Variants in KCNH1 observed in about 807,000 individuals in gnomAD.
The protein encoded by KCNH1 is potassium voltage-gated channel subfamily H member 1.
A neutral mutation model predicts 69.2 loss-of-function variants in KCNH1; 27 were observed. The observed-to-expected ratio is 0.39, with a 90% CI of 0.29 to 0.54. The LOEUF is 0.54. Ranked by LOEUF, KCNH1 falls within the 20% of genes least tolerant of loss-of-function variation. The pLI is 0.68. For synonymous variants in KCNH1, 456 were observed against 487.7 expected (o/e 0.93, Z 0.86); for missense variants, 798 against 1,261.6 (o/e 0.63, Z 5.57).
At chr1:210,782,650 T>A (rs987938898) in intron 9 of KCNH1, among the ~76,000 whole-genome samples, 3 of 151,918 alleles carry the variant, frequency 2.0e-5, no homozygotes, top group African/African-American at 7.3e-5. Context: ...TGCTTGGACC[T>A]AGGGGGCAGA....
chr1:210,810,844 C>T (rs1489285093), intron 7 of KCNH1, among the ~76,000 whole-genome samples: 1 of 152,058 alleles, frequency 6.6e-6, no homozygotes, highest in Non-Finnish European at 1.5e-5. Flanking sequence ...ATATGGTAAT[C>T]CTTAGATATC....
intron 10 of KCNH1, among the ~76,000 whole-genome samples, chr1:210,687,127 A>T (rs1172351197): frequency 6.6e-6 from 1 of 152,252 alleles, no homozygotes; most frequent in African/African-American, 2.4e-5. Flanking sequence ...GAGACTTGAG[A>T]TGTTCTAAGA....
At chr1:210,732,058 C>A (rs578153158) in intron 10 of KCNH1, among the ~76,000 whole-genome samples, 1 of 152,178 alleles carries the variant, frequency 6.6e-6, no homozygotes, top group Non-Finnish European at 1.5e-5. Context: ...AGGAATTCAT[C>A]CGATGGGAGG....
At chr1:210,795,376 G>C (rs1294451400) in intron 9 of KCNH1, among the ~76,000 whole-genome samples, 1 of 152,040 alleles carries the variant, frequency 6.6e-6, no homozygotes, top group African/African-American at 2.4e-5. Context: ...CAAATTCGTG[G>C]ACCCAAGAGA....
intron 7 of KCNH1, among the ~76,000 whole-genome samples, chr1:210,874,623 C>T (rs1410702354): frequency 6.6e-6 from 1 of 152,150 alleles, no homozygotes; most frequent in Non-Finnish European, 1.5e-5. Context: ...TAGTTTTGCA[C>T]AGCACTGAAT....
intron 10 of KCNH1, among the ~76,000 whole-genome samples, chr1:210,741,277 C>T (rs1683024308): frequency 6.6e-6 from 1 of 152,138 alleles, no homozygotes; most frequent in Non-Finnish European, 1.5e-5. Flanking sequence ...TTACCTACAA[C>T]AGGATAAATG....
chr1:210,972,561 G>A (rs570865087), intron 6 of KCNH1, among the ~76,000 whole-genome samples: 9 of 152,078 alleles, frequency 5.9e-5, no homozygotes, highest in South Asian at 4.1e-4. Context: ...AAGCCAGTTC[G>A]TTTTCTGATG....
intron 7 of KCNH1, among the ~76,000 whole-genome samples, chr1:210,853,974 C>G (rs1373197503): frequency 1.7e-5 from 1 of 60,200 alleles, no homozygotes; most frequent in Non-Finnish European, 3.7e-5. Context: ...AAAAAGAAAC[C>G]AAAGTCTTAT....
chr1:210,858,441 A>T (rs1042718356), intron 7 of KCNH1: 1 of 152,222 alleles, frequency 6.6e-6, no homozygotes, highest in African/African-American at 2.4e-5. Context: ...TTCATTTTTA[A>T]ATTAATAACT....
At chr1:211,029,363 G>A (rs12134819) in intron 5 of KCNH1, among the ~76,000 whole-genome samples, 10,976 of 122,876 alleles carry the variant, frequency 0.089, 605 homozygotes, top group East Asian at 0.25. Flanking sequence ...AAAAAAGGTT[G>A]GGGTACATTT....
In KCNH1 at chr1:210,919,583, CCT is replaced by C. The variant is rs1687417768; in HGVS notation, c.1462+55_1462+56del. The C allele has an allele frequency of 6.8e-7, 1 of 1,472,924 alleles. No individual in the cohort carries two copies. Among genetic ancestry groups the C allele is most frequent in the South Asian group, 1.2e-5 (1 of 81,260 alleles). The allele number at this position is 1,472,924 out of a possible 1,614,324, so 91.2% of individuals were successfully genotyped here. On this transcript the variant is annotated intron_variant, in intron 7 of 10. Coordinates refer to ENST00000271751, the MANE Select transcript of KCNH1 (RefSeq NM_172362.3). This position sits in a 1 kb window ranked among gnomAD's most constrained non-coding sequence, Gnocchi z 4.2. ...ATCCTGCTGGCACTGTAGCCATTTC[CCT>C]GTTTCCAGCTAACAGAAGAGATGGC... is the stretch of plus-strand genomic sequence containing the variant.
intron 6 of KCNH1, among the ~76,000 whole-genome samples, chr1:210,973,280 G>A (rs529258535): frequency 6.6e-6 from 1 of 152,074 alleles, no homozygotes; most frequent in South Asian, 2.1e-4. Context: ...ATATGAGATC[G>A]ATCACCTTCT....
At chr1:211,112,652 GT>G (rs1691496603) in intron 1 of KCNH1, among the ~76,000 whole-genome samples, 1 of 152,048 alleles carries the variant, frequency 6.6e-6, no homozygotes, top group South Asian at 2.1e-4. Context: ...TTCCAAAATA[GT>G]TTCCTCTCAC....
At chr1:210,948,978 A>T (rs1398084984) in intron 6 of KCNH1, among the ~76,000 whole-genome samples, 1 of 152,158 alleles carries the variant, frequency 6.6e-6, no homozygotes. Context: ...GACTTTCATC[A>T]ACTATTCAAA....
chr1:210,988,301 G>T (rs1440220059), intron 6 of KCNH1, among the ~76,000 whole-genome samples: 1 of 152,112 alleles, frequency 6.6e-6, no homozygotes, highest in Non-Finnish European at 1.5e-5. Context: ...TGCACCCACT[G>T]TCCGGCACTC....
intron 10 of KCNH1, among the ~76,000 whole-genome samples, chr1:210,737,946 A>G (rs547912929): frequency 2.6e-5 from 4 of 152,234 alleles, no homozygotes; most frequent in Non-Finnish European, 5.9e-5. Flanking sequence ...AAAACAGAAC[A>G]TATCACTCCC....
rs957876268 is a variant in KCNH1, at chr1:211,118,689, C to T, written c.80-11312G>A. On this transcript the variant is annotated intron_variant, in intron 1 of 10. Transcript: ENST00000271751. ...AACTGATGAGGCATGAGCCAAACTA[C>T]ACTGCAGTAGTCAGAAGTGTCAAAA... Among the ~76,000 whole-genome samples the T allele has an allele frequency of 7.8e-4, 119 of 152,358 alleles. 1 individual carries two copies. Among genetic ancestry groups the T allele is most frequent in the Middle Eastern group, 3.4e-3 (1 of 294 alleles).
intron 7 of KCNH1, among the ~76,000 whole-genome samples, chr1:210,885,371 T>G (rs1464292856): frequency 6.6e-6 from 1 of 152,194 alleles, no homozygotes; most frequent in Non-Finnish European, 1.5e-5. Context: ...AATAGTGCAC[T>G]CTGGCCAAAA....
chr1:211,126,951 C>CAA (rs34616552), intron 1 of KCNH1, among the ~76,000 whole-genome samples: 4 of 150,156 alleles, frequency 2.7e-5, no homozygotes, highest in Admixed American at 2.0e-4. Flanking sequence ...CCCAACCTCA[C>CAA]AAAAAAAAAT....
Sources: gnomAD v4.1 joint callset for allele counts (sites outside exome capture counted in the v4.1 genomes callset) on GRCh38, gnomAD v4.1.1 for gene constraint, Gnocchi (gnomAD v3.1) non-coding constraint, MANE v1.5 for transcripts, NCBI Gene and HGNC (gene_info 2026-07-23, HGNC 2026-07-21) for gene names.